The following DTD1 variants were observed in gnomAD, a reference collection of about 807,000 sequenced individuals.
DTD1 encodes the protein D-tyrosyl-tRNA deacylase 1 homolog.
In DTD1, 13 loss-of-function variants were observed where a neutral mutation model predicts 25.6. The observed-to-expected ratio is 0.51, with a 90% confidence interval of 0.33 to 0.81. The LOEUF (loss-of-function observed/expected upper bound fraction) is 0.81, where lower values mean the gene tolerates loss of function less well. DTD1 is among the 30% of genes least tolerant of loss of function. The pLI, the probability that DTD1 is intolerant of heterozygous loss-of-function variation, is 0.02. For missense variants in DTD1, 193 were observed against 266.4 expected (o/e 0.72, Z 1.92); for synonymous variants, 110 against 103.6 (o/e 1.06, Z -0.37).
chr20:18,680,036 G>T (rs1465733884), intron 4 of DTD1, among the ~76,000 whole-genome samples: 5 of 152,162 alleles, frequency 3.3e-5, no homozygotes, highest in Non-Finnish European at 5.9e-5. Context: ...CCTTCCTTAG[G>T]TGTTGTAGAG....
At chr20:18,679,262 C>T (rs1415333483) in intron 4 of DTD1, among the ~76,000 whole-genome samples, 1 of 152,190 alleles carries the variant, frequency 6.6e-6, no homozygotes, top group Non-Finnish European at 1.5e-5. Context: ...TTGGCAGTCA[C>T]CATTATCAAA....
intron 4 of DTD1, among the ~76,000 whole-genome samples, chr20:18,691,309 A>T (rs945511726): frequency 3.3e-5 from 5 of 152,228 alleles, no homozygotes; most frequent in African/African-American, 1.2e-4. Context: ...AAAAAGACAC[A>T]TGTACTTATA....
At chr20:18,627,370 A>C (rs2060763989) in intron 3 of DTD1, among the ~76,000 whole-genome samples, 1 of 152,168 alleles carries the variant, frequency 6.6e-6, no homozygotes, top group Admixed American at 6.5e-5. Flanking sequence ...AGTAGCCCAA[A>C]AGCAGTGCCT....
At chr20:18,658,062 G>T (rs2060896991) in intron 4 of DTD1, among the ~76,000 whole-genome samples, 2 of 152,250 alleles carry the variant, frequency 1.3e-5, no homozygotes, top group African/African-American at 4.8e-5. Flanking sequence ...AAGTGGCAAG[G>T]CTCTGTGATA....
rs1388114127 is a variant in DTD1, at chr20:18,741,455, T to C, written c.478-2645T>C. Among the ~76,000 whole-genome samples, 6 of 152,192 alleles carry C rather than the reference T, an allele frequency of 3.9e-5. No homozygotes were observed. In the South Asian group the frequency reaches 1.2e-3, roughly 32 times the overall value. ...GGAGTGCACTGATTAGTAACTCTGC[T>C]CTAGATCTGGTTTTGTTCTTATAAA... On this transcript the variant is annotated intron_variant, in intron 4 of 5. Transcript: ENST00000377452.
chr20:18,652,945 G>C (rs1302511816), intron 4 of DTD1, among the ~76,000 whole-genome samples: 1 of 152,174 alleles, frequency 6.6e-6, no homozygotes, highest in African/African-American at 2.4e-5. Flanking sequence ...GGGGAATAGA[G>C]GAGAGAGTTG....
At chr20:18,667,936 C>T (rs1277964109) in intron 4 of DTD1, among the ~76,000 whole-genome samples, 6 of 152,162 alleles carry the variant, frequency 3.9e-5, no homozygotes, top group Non-Finnish European at 7.4e-5. Context: ...ACTTGCGTAT[C>T]CCAAATGAGA....
chr20:18,632,209 C>T lies in DTD1; in HGVS notation c.477+3976C>T, dbSNP rs571482115. The T allele has an allele frequency of 2.7e-5, 27 of 985,354 alleles. No homozygotes were observed. In the South Asian group the frequency reaches 4.2e-4, roughly 15 times the overall value. 61.0% of individuals were successfully genotyped at this position (985,354 alleles called of 1,614,324 possible). A position where few individuals can be genotyped will look rare whatever the true frequency, so the allele number is the denominator to read the frequency against. ...AAGTAGGCATTTTTTAAACTTCTAACGAGCCATGTTAACTTATAAGGATTA... is the reference window on the plus strand; with the variant it reads ...AAGTAGGCATTTTTTAAACTTCTAATGAGCCATGTTAACTTATAAGGATTA... On this transcript the variant is annotated intron_variant, in intron 4 of 5. Transcript: ENST00000377452.
At chr20:18,621,134 C>T (rs1196595135) in intron 3 of DTD1, among the ~76,000 whole-genome samples, 1 of 152,176 alleles carries the variant, frequency 6.6e-6, no homozygotes, top group African/African-American at 2.4e-5. Flanking sequence ...TTAGTTGTTG[C>T]AGCTCCTTAG....
chr20:18,736,388 G>A (rs909605381), intron 4 of DTD1, among the ~76,000 whole-genome samples: 3 of 152,126 alleles, frequency 2.0e-5, no homozygotes, highest in Admixed American at 6.5e-5. Context: ...ACAAAGGTGC[G>A]CCCTCTGCCT....
At chr20:18,740,345 T>G (rs991204265) in intron 4 of DTD1, among the ~76,000 whole-genome samples, 1 of 152,152 alleles carries the variant, frequency 6.6e-6, no homozygotes, top group Non-Finnish European at 1.5e-5. Flanking sequence ...GTTTTTAATC[T>G]CTGAAGATGA....
At chr20:18,707,626 G>T (rs372363874) in intron 4 of DTD1, among the ~76,000 whole-genome samples, 4 of 152,172 alleles carry the variant, frequency 2.6e-5, no homozygotes, top group Non-Finnish European at 5.9e-5. Context: ...TCACAAGAAA[G>T]ACTCTTTGGG....
intron 4 of DTD1, among the ~76,000 whole-genome samples, chr20:18,655,254 T>C (rs2060887524): frequency 6.6e-6 from 1 of 152,238 alleles, no homozygotes; most frequent in Non-Finnish European, 1.5e-5. Flanking sequence ...CAGATACAGA[T>C]AGCTTCGATT....
At chr20:18,637,128 C>G (rs1340464406) in intron 4 of DTD1, among the ~76,000 whole-genome samples, 1 of 152,210 alleles carries the variant, frequency 6.6e-6, no homozygotes, top group Non-Finnish European at 1.5e-5. Context: ...CTGGACCACC[C>G]TGCCCTCCCT....
chr20:18,643,985 C>T (rs1295632549), intron 4 of DTD1, among the ~76,000 whole-genome samples: 2 of 152,116 alleles, frequency 1.3e-5, no homozygotes, highest in African/African-American at 2.4e-5. Context: ...TGTGTGTTTA[C>T]ATATGCAGCT....
intron 4 of DTD1, among the ~76,000 whole-genome samples, chr20:18,741,521 T>C (rs1252888587): frequency 6.6e-6 from 1 of 152,148 alleles, no homozygotes; most frequent in Non-Finnish European, 1.5e-5. Flanking sequence ...TTCATTCCAC[T>C]AAGATCCCAT....
At chr20:18,758,906 A>G (rs2061349954) in intron 5 of DTD1, among the ~76,000 whole-genome samples, 1 of 152,090 alleles carries the variant, frequency 6.6e-6, no homozygotes, top group African/African-American at 2.4e-5. Flanking sequence ...TGGCTTTATG[A>G]ATCTGGGTGC....
intron 4 of DTD1, chr20:18,630,932 G>A (rs1200088191): frequency 1.9e-5 from 6 of 308,056 alleles, no homozygotes; most frequent in Non-Finnish European, 2.8e-5. Context: ...GCCCTTCATA[G>A]TGCATCCTAC....
At chr20:18,726,778 C>T (rs1280162274) in intron 4 of DTD1, among the ~76,000 whole-genome samples, 1 of 152,218 alleles carries the variant, frequency 6.6e-6, no homozygotes, top group Non-Finnish European at 1.5e-5. Flanking sequence ...TGCTCTTCCC[C>T]GTTATGGTAA....
Sources: allele counts gnomAD v4.1 joint callset (sites outside exome capture counted in the v4.1 genomes callset), GRCh38; gene constraint gnomAD v4.1.1; transcripts MANE v1.5; gene names NCBI Gene and HGNC (gene_info 2026-07-23, HGNC 2026-07-21).